Variants in NAP1L4 observed in about 807,000 individuals in gnomAD.
NAP1L4 encodes the protein nucleosome assembly protein 1-like 4.
A neutral mutation model predicts 58.2 loss-of-function variants in NAP1L4; 15 were observed. That is an observed-to-expected ratio of 0.26 (90% CI 0.17 to 0.40). The LOEUF (loss-of-function observed/expected upper bound fraction) is 0.40. NAP1L4 is among the 10% of genes least tolerant of loss of function. The pLI, the probability that NAP1L4 is intolerant of heterozygous loss-of-function variation, is 1.00. For missense variants in NAP1L4, 384 were observed against 451.1 expected (o/e 0.85, Z 1.35); for synonymous variants, 171 against 155.6 (o/e 1.10, Z -0.74).
chr11:2,969,996 A>C (rs1252494075), intron 6 of NAP1L4, 62 bp from the exon 7 acceptor site: 2 of 1,522,596 alleles, frequency 1.3e-6, no homozygotes, highest in Admixed American at 4.0e-5. Context: ...CAGCGGCTTC[A>C]CGTAGAATAT....
chr11:2,983,029 C>CA (rs1255380215), intron 1 of NAP1L4, among the ~76,000 whole-genome samples: 3 of 151,516 alleles, frequency 2.0e-5, no homozygotes, highest in African/African-American at 7.3e-5. Context: ...CAAAAAAAAA[C>CA]AAAAAACAAA....
chr11:2,981,193 A>C (rs1848281281), intron 1 of NAP1L4, among the ~76,000 whole-genome samples: 1 of 151,424 alleles, frequency 6.6e-6, no homozygotes, highest in Non-Finnish European at 1.5e-5. Flanking sequence ...AGCTGAAATA[A>C]CACCACTGCA....
At position 2,951,375 on chromosome 11, in the gene NAP1L4, C is replaced by A. The variant is rs1019125678; in HGVS notation, c.1066-60G>T. ...AAGATTTAAACTCTTGTGGCATTCA[C>A]AATCCACAAACACAAGGAGCAAAAC... On this transcript the variant is annotated intron_variant, in intron 13 of 15. Transcript: ENST00000380542. This position sits in a 1 kb window ranked among gnomAD's most constrained non-coding sequence, Gnocchi z 4.0. The A allele has an allele frequency of 6.8e-7, 1 of 1,464,172 alleles. No homozygotes were observed. Among genetic ancestry groups the A allele is most frequent in the South Asian group, 1.1e-5 (1 of 87,488 alleles). The allele number at this position is 1,464,172 out of a possible 1,614,324, so 90.7% of individuals were successfully genotyped here. A position where few individuals can be genotyped will look rare whatever the true frequency, so the allele number is the denominator to read the frequency against.
Position 2,948,015 on chromosome 11 carries a change from C to T in NAP1L4, c.*32+1212G>A, listed in dbSNP as rs754441799. On this transcript the variant is annotated intron_variant, in intron 15 of 15. Coordinates refer to ENST00000380542, the MANE Select transcript of NAP1L4 (RefSeq NM_005969.4). The surrounding 1 kb of genome is among the most constrained non-coding windows in gnomAD (Gnocchi z 5.1). Reference sequence around the variant, plus strand: ...CATACTGAAATACGGATAGGTGGCACGCATCGAGGATTCTCTTCAAAAGAG... The same window carrying T: ...CATACTGAAATACGGATAGGTGGCATGCATCGAGGATTCTCTTCAAAAGAG... Among the ~76,000 whole-genome samples, 5 of 151,814 alleles carry T rather than the reference C, an allele frequency of 3.3e-5. No individual in the cohort carries two copies. The highest frequency in any genetic ancestry group is 2.0e-4 in the East Asian group (1 of 5,108).
intron 1 of NAP1L4, among the ~76,000 whole-genome samples, chr11:2,988,327 G>A (rs1291323118): frequency 1.3e-5 from 2 of 152,154 alleles, no homozygotes; most frequent in East Asian, 3.9e-4. Context: ...TTGTCAATAA[G>A]GCACTTCCCT....
At chr11:2,952,248 A>C (rs893318651) in intron 12 of NAP1L4, 1 of 175,918 alleles carries the variant, frequency 5.7e-6, no homozygotes, top group Non-Finnish European at 1.2e-5. Context: ...ATCTCATACA[A>C]AGGGAAAAGA....
rs1336355915 is a variant in NAP1L4 at position 2,959,840 on chromosome 11, T to C, written c.676A>G (p.Lys226Glu). The change falls in exon 9 of 16, where the codon AAG (lysine) becomes GAG (glutamate). Residue 226 changes from lysine (K) to glutamate (E), a missense_variant. Physicochemically the swap from Lys to Glu is moderately conservative, Grantham distance 56. Transcript: ENST00000380542. The surrounding 1 kb of genome is among the most constrained non-coding windows in gnomAD (Gnocchi z 4.9). ...FTNSVLTKTY[K>E]MKSEPDKADP... ...GCCTTATCTGGTTCTGATTTCATCT[T>C]GTAGGTTTTTGTCAGGACTGAGTTG... is the stretch of plus-strand genomic sequence containing the variant. 2 of 1,614,104 alleles carry C rather than the reference T, an allele frequency of 1.2e-6. No individual in the cohort carries two copies. Among genetic ancestry groups the C allele is most frequent in the Admixed American group, 1.7e-5 (1 of 60,014 alleles).
At chr11:2,982,598 G>C (rs778150239) in intron 1 of NAP1L4, among the ~76,000 whole-genome samples, 18 of 152,236 alleles carry the variant, frequency 1.2e-4, no homozygotes, top group Non-Finnish European at 2.1e-4. Context: ...GCTTGGAAAG[G>C]TGAGGTGCCA....
At position 2,945,283 on chromosome 11, in the gene NAP1L4, T is replaced by C. The variant is rs538596285; in HGVS notation, c.*396A>G. The C allele has an allele frequency of 1.1e-5, 3 of 267,690 alleles. No homozygotes were observed. The South Asian group carries it at 4.5e-4, about 40-fold the overall frequency. 16.6% of individuals were successfully genotyped at this position (267,690 alleles called of 1,614,324 possible). On this transcript the variant is annotated 3_prime_UTR_variant, in exon 16 of 16. Coordinates refer to ENST00000380542, the MANE Select transcript of NAP1L4 (RefSeq NM_005969.4). ...CCACATCACCAGACCTCGGCCCTTT[T>C]TGCCAAGTGACCCCCACCCCACCCT...
chr11:2,970,854 C>A, intron 6 of NAP1L4, among the ~76,000 whole-genome samples: 1 of 107,882 alleles, frequency 9.3e-6, no homozygotes, highest in Non-Finnish European at 2.0e-5. Context: ...TACCACCCCC[C>A]CCCCAAAAAA....
chr11:2,982,722 A>G (rs1440091792), intron 1 of NAP1L4, among the ~76,000 whole-genome samples: 1 of 152,186 alleles, frequency 6.6e-6, no homozygotes, highest in Non-Finnish European at 1.5e-5. Flanking sequence ...CTTGCTCATT[A>G]AAGATTCTGT....
rs36005224 is a variant in NAP1L4, at chr11:2,967,608, TA to T, written c.534+2194del. On this transcript the variant is annotated intron_variant, in intron 7 of 15. Coordinates refer to ENST00000380542, the MANE Select transcript of NAP1L4 (RefSeq NM_005969.4). ...CCTGGGCGACAGAGCGAGACTCCGT[TA>T]AAAAAAAAAAAAAAAGAAAATATTG... Among the ~76,000 whole-genome samples the T allele has an allele frequency of 5.1e-3, 599 of 118,244 alleles. 1 individual carries two copies. Among genetic ancestry groups the T allele is most frequent in the Admixed American group, 6.1e-3 (69 of 11,398 alleles). 77.6% of individuals were successfully genotyped at this position (118,244 alleles called of 152,430 possible).
In NAP1L4 at chr11:2,969,886, C is replaced by T. The variant is rs756799584; in HGVS notation, c.451G>A (p.Ala151Thr). ...VVVTEKAAATAEEPDPKGIPE... is the reference protein window; with the variant it reads ...VVVTEKAAATTEEPDPKGIPE... ...ATTCCTTTGGGATCTGGCTCTTCAG[C>T]CGTTGCCGCTGCTTTTTCTGTGACG... is the stretch of plus-strand genomic sequence containing the variant. Residue 151 changes from alanine (A) to threonine (T), a missense_variant, in exon 7 of 16, where the codon GCT becomes ACT. Physicochemically the swap from Ala to Thr is moderately conservative, Grantham distance 58 (BLOSUM62 0). Around this residue, in one of 3 missense-constraint regions of NAP1L4, gnomAD observed 296 missense variants for 360.8 expected, o/e 0.82. Transcript: ENST00000380542. The T allele has an allele frequency of 6.2e-7, 1 of 1,613,784 alleles. No homozygotes were observed. Among genetic ancestry groups the T allele is most frequent in the Non-Finnish European group, 8.5e-7 (1 of 1,179,780 alleles).
chr11:2,954,946 G>C lies in NAP1L4; in HGVS notation c.916-300C>G, dbSNP rs550628978. Among the ~76,000 whole-genome samples the C allele has an allele frequency of 6.6e-6, 1 of 152,282 alleles. No individual in the cohort carries two copies. The highest frequency in any genetic ancestry group is 6.5e-5 in the Admixed American group (1 of 15,294). On this transcript the variant is annotated intron_variant, in intron 11 of 15. Coordinates refer to ENST00000380542, the MANE Select transcript of NAP1L4 (RefSeq NM_005969.4). The surrounding 1 kb of genome is among the most constrained non-coding windows in gnomAD (Gnocchi z 4.8). ...GTATCAGTCTCACATATGGGAAACAGGCAGTATTAAAGCACTGCACATTTG... is the reference window on the plus strand; with the variant it reads ...GTATCAGTCTCACATATGGGAAACACGCAGTATTAAAGCACTGCACATTTG...
At chr11:2,985,159 T>C (rs1450016143) in intron 1 of NAP1L4, among the ~76,000 whole-genome samples, 1 of 152,258 alleles carries the variant, frequency 6.6e-6, no homozygotes, top group Non-Finnish European at 1.5e-5. Flanking sequence ...TTTCCACTTG[T>C]AACATTAATG....
intron 1 of NAP1L4, among the ~76,000 whole-genome samples, chr11:2,982,260 T>G (rs1416208341): frequency 6.6e-6 from 1 of 152,228 alleles, no homozygotes; most frequent in Non-Finnish European, 1.5e-5. Flanking sequence ...CCAAAACAGT[T>G]ACACAATAAC....
intron 1 of NAP1L4, among the ~76,000 whole-genome samples, chr11:2,984,216 A>T (rs1421399858): frequency 6.6e-6 from 1 of 150,762 alleles, no homozygotes; most frequent in Non-Finnish European, 1.5e-5. Flanking sequence ...ATGGCTGGCT[A>T]TGCTCACCAC....
chr11:2,969,544 C>A (rs1241397345), intron 7 of NAP1L4, among the ~76,000 whole-genome samples: 3 of 152,138 alleles, frequency 2.0e-5, no homozygotes, highest in Non-Finnish European at 4.4e-5. Context: ...GTAAAAGGAA[C>A]TGATTTGAAA....
intron 10 of NAP1L4, 63 bp downstream of exon 10, chr11:2,958,336 T>C: frequency 6.4e-7 from 1 of 1,554,214 alleles, no homozygotes; most frequent in African/African-American, 1.4e-5. Flanking sequence ...GTTAGGAATC[T>C]ATCAGGTGAC....
Sources: gnomAD v4.1 joint callset for allele counts (sites outside exome capture counted in the v4.1 genomes callset) on GRCh38, gnomAD v4.1.1 for gene constraint, gnomAD v4.1.1 regional missense constraint, Gnocchi (gnomAD v3.1) non-coding constraint, MANE v1.5 for transcripts, NCBI Gene and HGNC (gene_info 2026-07-23, HGNC 2026-07-21) for gene names.